The following CSTPP1 variants were observed in gnomAD, a reference collection of about 807,000 sequenced individuals.
CSTPP1 encodes centriolar satellite-associated tubulin polyglutamylase complex regulator 1.
the CSTPP1 span, among the ~76,000 whole-genome samples, chr11:47,082,080 T>C: frequency 6.9e-6 from 1 of 145,204 alleles, no homozygotes; most frequent in Non-Finnish European, 1.5e-5. Flanking sequence ...AGCCCAGGAG[T>C]TGGAGGCTTC....
At chr11:47,079,382 A>G in the CSTPP1 span, among the ~76,000 whole-genome samples, 1 of 152,230 alleles carries the variant, frequency 6.6e-6, no homozygotes. Context: ...AGCATTTCTG[A>G]TGCAGATCGC....
chr11:47,054,928 A>ATT, the CSTPP1 span, among the ~76,000 whole-genome samples: 234 of 68,780 alleles, frequency 3.4e-3, 15 homozygotes, highest in East Asian at 0.057. Flanking sequence ...ATAAATTTCA[A>ATT]TTTTTTTTTT....
chr11:46,966,894 C>T, the CSTPP1 span, among the ~76,000 whole-genome samples: 1 of 152,064 alleles, frequency 6.6e-6, no homozygotes, highest in African/African-American at 2.4e-5. Context: ...ACTGTTTTCT[C>T]GCAGTTCTGG....
At chr11:47,060,222 A>T in the CSTPP1 span, among the ~76,000 whole-genome samples, 2 of 151,154 alleles carry the variant, frequency 1.3e-5, no homozygotes, top group African/African-American at 4.8e-5. Flanking sequence ...ACGTCTTCAC[A>T]AAGTTCACAT....
chr11:47,151,308 G>A, the CSTPP1 span, among the ~76,000 whole-genome samples: 1 of 151,996 alleles, frequency 6.6e-6, no homozygotes, highest in African/African-American at 2.4e-5. Context: ...TACTACTCGG[G>A]AGGCTGAGGC....
At chr11:47,029,154 T>C in the CSTPP1 span, among the ~76,000 whole-genome samples, 1 of 152,062 alleles carries the variant, frequency 6.6e-6, no homozygotes, top group Admixed American at 6.6e-5. Context: ...CACAGAAATA[T>C]ATCTTTAGAG....
At chr11:47,106,040 A>C in the CSTPP1 span, among the ~76,000 whole-genome samples, 3 of 152,182 alleles carry the variant, frequency 2.0e-5, no homozygotes, top group Non-Finnish European at 4.4e-5. Flanking sequence ...TGTATGCATG[A>C]CCCAGTCTGT....
the CSTPP1 span, among the ~76,000 whole-genome samples, chr11:46,967,670 C>T: frequency 4.6e-5 from 7 of 151,798 alleles, no homozygotes; most frequent in African/African-American, 7.3e-5. Flanking sequence ...CAACTGTGCC[C>T]GGCACATAGG....
At chr11:47,077,991 A>T in the CSTPP1 span, among the ~76,000 whole-genome samples, 290 of 152,360 alleles carry the variant, frequency 1.9e-3, 2 homozygotes, top group African/African-American at 6.5e-3. Flanking sequence ...TTTGCTGTGC[A>T]TAATATTTAC....
chr11:47,001,550 G>T, the CSTPP1 span, among the ~76,000 whole-genome samples: 2 of 151,612 alleles, frequency 1.3e-5, no homozygotes, highest in African/African-American at 2.4e-5. Context: ...TAAGTTCTGG[G>T]ATACATGTGT....
chr11:47,088,322 C>T, the CSTPP1 span, among the ~76,000 whole-genome samples: 11 of 152,270 alleles, frequency 7.2e-5, no homozygotes, highest in African/African-American at 2.6e-4. Context: ...ATAGTCTACA[C>T]TTAATATACA....
chr11:47,065,783 G>A, the CSTPP1 span, among the ~76,000 whole-genome samples: 9 of 151,174 alleles, frequency 6.0e-5, no homozygotes, highest in Admixed American at 5.3e-4. Flanking sequence ...TCACTCTGTC[G>A]CCCAGGCTAG....
At chr11:47,108,866 C>A in the CSTPP1 span, among the ~76,000 whole-genome samples, 5 of 152,102 alleles carry the variant, frequency 3.3e-5, no homozygotes, top group Non-Finnish European at 4.4e-5. Context: ...GCCACCATGC[C>A]TGACTAATTT....
At chr11:46,992,674 C>T in the CSTPP1 span, among the ~76,000 whole-genome samples, 26 of 152,146 alleles carry the variant, frequency 1.7e-4, no homozygotes, top group Middle Eastern at 3.4e-3. Context: ...TCTTTGCTAT[C>T]GTGAATAGTG....
the CSTPP1 span, chr11:47,157,007 A>AC: frequency 6.2e-7 from 1 of 1,613,492 alleles, no homozygotes; most frequent in Non-Finnish European, 8.5e-7. Flanking sequence ...CCACACCCCC[A>AC]CCCCCACGGT....
chr11:46,987,656 A>G, the CSTPP1 span: 2 of 192,856 alleles, frequency 1.0e-5, no homozygotes, highest in Admixed American at 1.1e-4. Context: ...GTTTTTTTTC[A>G]TGGCTGGCTT....
At chr11:47,070,009 G>A in the CSTPP1 span, among the ~76,000 whole-genome samples, 17 of 152,166 alleles carry the variant, frequency 1.1e-4, no homozygotes, top group Admixed American at 4.6e-4. Context: ...CACCGCACCC[G>A]GCCGTTGTTG....
chr11:47,037,962 G>A, the CSTPP1 span, among the ~76,000 whole-genome samples: 1 of 126,824 alleles, frequency 7.9e-6, no homozygotes, highest in African/African-American at 2.5e-5. Context: ...AGTAGGGGCG[G>A]CCGGGCAGAG....
chr11:47,100,871 GC>G, the CSTPP1 span, among the ~76,000 whole-genome samples: 98,850 of 151,946 alleles, frequency 0.65, 32,576 homozygotes, highest in Middle Eastern at 0.7. Flanking sequence ...GAAATTCTTT[GC>G]TTTTGTTTTT....
Sources: gnomAD v4.1 joint callset for allele counts (sites outside exome capture counted in the v4.1 genomes callset) on GRCh38, gnomAD v4.1.1 for gene constraint, MANE v1.5 for transcripts, NCBI Gene and HGNC (gene_info 2026-07-23, HGNC 2026-07-21) for gene names.